Variants in FERMT2 observed in about 807,000 individuals in gnomAD.
FERMT2 encodes the protein fermitin family homolog 2.
A neutral mutation model predicts 82.7 loss-of-function variants in FERMT2; 15 were observed. The observed-to-expected ratio is 0.18, with a 90% CI of 0.12 to 0.28. The LOEUF (loss-of-function observed/expected upper bound fraction) is 0.28. FERMT2 is among the 10% of genes least tolerant of loss of function. The pLI is 1.00. For synonymous variants in FERMT2, 274 were observed against 271.5 expected (o/e 1.01, Z -0.09); for missense variants, 645 against 809.4 (o/e 0.80, Z 2.46).
intron 2 of FERMT2, among the ~76,000 whole-genome samples, chr14:52,949,159 C>T (rs1012745085): frequency 2.0e-5 from 3 of 152,144 alleles, no homozygotes; most frequent in African/African-American, 7.2e-5. Context: ...AAGGAAGAGG[C>T]TACCTTGTAA....
chr14:52,904,094 C>T (rs527373646), intron 3 of FERMT2, among the ~76,000 whole-genome samples: 7 of 152,304 alleles, frequency 4.6e-5, no homozygotes, highest in African/African-American at 1.4e-4. Flanking sequence ...TGCTTGAGCC[C>T]CCAGGAGTTA....
At chr14:52,933,025 C>CA (rs921515774) in intron 2 of FERMT2, among the ~76,000 whole-genome samples, 15 of 150,250 alleles carry the variant, frequency 1.0e-4, no homozygotes, top group East Asian at 3.9e-4. Flanking sequence ...AAGAAATGAA[C>CA]AAAAAAAAAC....
At chr14:52,895,965 A>G (rs1887230319) in intron 3 of FERMT2, among the ~76,000 whole-genome samples, 1 of 152,198 alleles carries the variant, frequency 6.6e-6, no homozygotes, top group Non-Finnish European at 1.5e-5. Context: ...TTGTAGAGAT[A>G]GGGTCTTGTC....
At chr14:52,913,335 G>A (rs796627169) in intron 3 of FERMT2, among the ~76,000 whole-genome samples, 3 of 152,194 alleles carry the variant, frequency 2.0e-5, no homozygotes, top group East Asian at 1.9e-4. Context: ...GGAGTAAATG[G>A]GCCAATATAC....
intron 2 of FERMT2, among the ~76,000 whole-genome samples, chr14:52,944,214 C>T (rs923572634): frequency 5.9e-5 from 9 of 152,188 alleles, no homozygotes; most frequent in African/African-American, 2.2e-4. Flanking sequence ...AGTAAACTTA[C>T]TATCAGATTT....
chr14:52,881,612 TATGAAAACATGTGTAATTAA>T, intron 4 of FERMT2, 143 bp from the exon 5 acceptor site: 1 of 832,922 alleles, frequency 1.2e-6, no homozygotes, highest in Non-Finnish European at 1.9e-6. Flanking sequence ...TTTTACCTGT[TATGAAAACATGTGTAATTAA>T]TTCTCCTTGT....
chr14:52,894,838 T>C (rs1481083139), intron 3 of FERMT2, among the ~76,000 whole-genome samples: 1 of 147,846 alleles, frequency 6.8e-6, no homozygotes, highest in African/African-American at 2.5e-5. Flanking sequence ...ATTTCTTAGA[T>C]AGGACACACA....
intron 10 of FERMT2, among the ~76,000 whole-genome samples, chr14:52,868,389 T>C (rs548378198): frequency 6.6e-6 from 1 of 152,190 alleles, no homozygotes; most frequent in South Asian, 2.1e-4. Flanking sequence ...GAAGATTAAG[T>C]TATAGAACAC....
chr14:52,891,867 T>C (rs1489094204), intron 4 of FERMT2, among the ~76,000 whole-genome samples: 2 of 152,142 alleles, frequency 1.3e-5, no homozygotes, highest in Non-Finnish European at 2.9e-5. Flanking sequence ...CCACTTAGCT[T>C]CCCAACAGAC....
At position 52,950,531 on chromosome 14, in the gene FERMT2, T is replaced by C. The variant is rs1349604494; in HGVS notation, c.38A>G (p.Tyr13Cys). 2.5e-6 allele frequency: 4 copies of C among 1,614,152 alleles called. No homozygotes were observed. The highest frequency in any genetic ancestry group is 2.2e-5 in the East Asian group (1 of 44,876). Residue 13 changes from tyrosine to cysteine, a missense_variant, in exon 2 of 15, where the codon TAC becomes TGC. Physicochemically the swap from Tyr to Cys is radical, Grantham distance 194. Transcript: ENST00000341590. ...LDGIRMPDGCYADGTWELSVH... is the reference protein window; with the variant it reads ...LDGIRMPDGCCADGTWELSVH... ...ACTCAGTTCCCACGTCCCGTCCGCGTAGCAGCCATCTGGCATCCTTATCCC... is the reference window on the plus strand; with the variant it reads ...ACTCAGTTCCCACGTCCCGTCCGCGCAGCAGCCATCTGGCATCCTTATCCC...
At position 52,919,224 on chromosome 14, in the gene FERMT2, T is replaced by C. The variant is rs1317853986; in HGVS notation, c.290A>G (p.Lys97Arg). 2.4e-5 allele frequency: 38 copies of C among 1,613,984 alleles called. No individual in the cohort carries two copies. The highest frequency in any genetic ancestry group is 3.1e-5 in the Non-Finnish European group (37 of 1,179,990). ...GTTGGGAAGCTGCAGGCGGAGCAGT[T>C]TGTGCTGAGGGGTGAACTGAAGCTT... ...DAKLQFTPQH[K>R]LLRLQLPNMK... The change falls in exon 3 of 15, where the codon AAA (lysine) becomes AGA (arginine). Residue 97 changes from lysine to arginine, a missense_variant. By Grantham distance (26) the Lys-to-Arg change is conservative. Coordinates refer to ENST00000341590, the MANE Select transcript of FERMT2 (RefSeq NM_006832.3).
In FERMT2 at chr14:52,950,548, C is replaced by T. The variant is rs369473929; in HGVS notation, c.21G>A (p.Arg7=). ...CGTCCGCGTAGCAGCCATCTGGCAT[C>T]CTTATCCCGTCCAGAGCCATGGCTC... is the stretch of plus-strand genomic sequence containing the variant. The part of the protein sequence containing the change: MALDGI[R]MPDGCYADGT... Residue 7 remains arginine (R), a synonymous_variant, in exon 2 of 15, where the codon AGG becomes AGA. Coordinates refer to ENST00000341590, the MANE Select transcript of FERMT2 (RefSeq NM_006832.3). 2.5e-6 allele frequency: 4 copies of T among 1,614,004 alleles called. No individual in the cohort carries two copies. The highest frequency in any genetic ancestry group is 1.3e-5 in the African/African-American group (1 of 74,940).
intron 12 of FERMT2, 93 bp downstream of exon 12, chr14:52,864,308 T>G (rs1397722459): frequency 1.2e-6 from 1 of 831,412 alleles, no homozygotes. Context: ...AAATTAAGAC[T>G]AAAAAGTTTT....
intron 2 of FERMT2, among the ~76,000 whole-genome samples, chr14:52,926,197 TAAAGTA>T (rs1566754712): frequency 3.9e-5 from 6 of 152,156 alleles, no homozygotes; most frequent in Admixed American, 3.3e-4. Flanking sequence ...ACTGTATCAC[TAAAGTA>T]GTGGTTTAGT....
intron 3 of FERMT2, among the ~76,000 whole-genome samples, chr14:52,896,897 G>A (rs1887287831): frequency 6.6e-6 from 1 of 151,890 alleles, no homozygotes; most frequent in African/African-American, 2.4e-5. Flanking sequence ...TCAGGAGGCT[G>A]AGGTGGGAAG....
At chr14:52,913,689 T>TAGTAGC (rs1394500891) in intron 3 of FERMT2, among the ~76,000 whole-genome samples, 1 of 151,222 alleles carries the variant, frequency 6.6e-6, no homozygotes, top group Non-Finnish European at 1.5e-5. Flanking sequence ...ACAGTAGTAG[T>TAGTAGC]AGTAGTAGTA....
At position 52,858,438 on chromosome 14, in the gene FERMT2, T is replaced by C. The variant is rs143432898; in HGVS notation, c.1982A>G (p.Lys661Arg). The change falls in exon 15 of 15, where the codon AAA becomes AGA. Residue 661 changes from lysine (K) to arginine (R), a missense_variant. Coordinates refer to ENST00000341590, the MANE Select transcript of FERMT2 (RefSeq NM_006832.3). The stretch of plus-strand genomic sequence containing the variant: ...TTCATCTAAACTCTCGTTTTGGTCT[T>C]TTGCACGTGTTGAGAGAAATATGTA... ...GGYIFLSTRA[K>R]DQNESLDEEM... 28 of 1,614,056 alleles carry C rather than the reference T, an allele frequency of 1.7e-5. No individual in the cohort carries two copies. The highest frequency in any genetic ancestry group is 2.4e-5 in the Non-Finnish European group (28 of 1,180,024).
chr14:52,862,791 C>G (rs1211532960), intron 12 of FERMT2: 1 of 152,204 alleles, frequency 6.6e-6, no homozygotes, highest in African/African-American at 2.4e-5. Flanking sequence ...GGATCTTTAA[C>G]CACGGACCAC....
rs1201193834 is a variant in FERMT2 at position 52,872,686 on chromosome 14, G to A, written c.1273+113C>T. ...CTAAACATTTTTCAAGTACCCAAAG[G>A]AGTAAAGAAATTGATTTTTTTAAAA... On this transcript the variant is annotated intron_variant, in intron 10 of 14. Transcript: ENST00000341590. 59 of 1,052,362 alleles carry A rather than the reference G, an allele frequency of 5.6e-5. No individual in the cohort carries two copies. The Admixed American group carries it at 1.3e-3, about 24-fold the overall frequency. The allele number at this position is 1,052,362 out of a possible 1,614,324, so 65.2% of individuals were successfully genotyped here.
Sources: allele counts gnomAD v4.1 joint callset (sites outside exome capture counted in the v4.1 genomes callset), GRCh38; gene constraint gnomAD v4.1.1; transcripts MANE v1.5; gene names NCBI Gene and HGNC (gene_info 2026-07-23, HGNC 2026-07-21).